The following MYO1D variants were observed in gnomAD, a reference collection of about 807,000 sequenced individuals.
The protein encoded by MYO1D is unconventional myosin-Id.
Under a neutral mutation model 122.0 loss-of-function variants are expected in MYO1D, and 83 were observed. The observed-to-expected ratio is 0.68, with a 90% CI of 0.57 to 0.82. MYO1D has a LOEUF of 0.82. Ranked by LOEUF, MYO1D falls within the 40% of genes least tolerant of loss-of-function variation. MYO1D has a pLI of 0.00. For synonymous variants in MYO1D, 464 were observed against 446.9 expected (o/e 1.04, Z -0.48); for missense variants, 1,157 against 1,269.5 (o/e 0.91, Z 1.35).
chr17:32,653,423 A>G (rs1472813720), intron 19 of MYO1D, among the ~76,000 whole-genome samples: 1 of 151,928 alleles, frequency 6.6e-6, no homozygotes, highest in Admixed American at 6.6e-5. Flanking sequence ...CCTGACCAAC[A>G]TGGTGAAACC....
chr17:32,652,999 G>A lies in MYO1D; in HGVS notation c.2595+844C>T, dbSNP rs577180143. Among the ~76,000 whole-genome samples, 14 of 152,136 alleles carry A rather than the reference G, an allele frequency of 9.2e-5. No individual in the cohort carries two copies. In the East Asian group the frequency reaches 1.2e-3, roughly 13 times the overall value. The stretch of plus-strand genomic sequence containing the variant: ...TACTAAAGAATACAAAAAATTAGCC[G>A]GGCATGGTGGTGGGCGCCTGTAGTC... On this transcript the variant is annotated intron_variant, in intron 19 of 21. Transcript: ENST00000318217.
intron 21 of MYO1D, among the ~76,000 whole-genome samples, chr17:32,576,731 C>T (rs531932313): frequency 2.6e-5 from 4 of 152,220 alleles, no homozygotes; most frequent in Non-Finnish European, 5.9e-5. Context: ...TCATAGCTCC[C>T]GGCAGCCTTG....
intron 1 of MYO1D, among the ~76,000 whole-genome samples, chr17:32,828,191 G>A (rs1365117614): frequency 1.3e-5 from 2 of 152,136 alleles, no homozygotes; most frequent in Non-Finnish European, 2.9e-5. Flanking sequence ...TAAGTAAATT[G>A]GATTCTGTTT....
At chr17:32,700,901 G>A (rs371755017) in intron 16 of MYO1D, among the ~76,000 whole-genome samples, 6 of 144,472 alleles carry the variant, frequency 4.2e-5, no homozygotes, top group South Asian at 2.2e-4. Context: ...CTGAGATCAC[G>A]CCATTGTACT....
At chr17:32,677,164 C>G (rs2088823686) in intron 16 of MYO1D, among the ~76,000 whole-genome samples, 1 of 152,100 alleles carries the variant, frequency 6.6e-6, no homozygotes, top group Non-Finnish European at 1.5e-5. Flanking sequence ...TTTGTGAATT[C>G]TTTTACTGCT....
intron 20 of MYO1D, among the ~76,000 whole-genome samples, chr17:32,605,634 T>C (rs1039281836): frequency 3.3e-5 from 5 of 151,928 alleles, no homozygotes; most frequent in Non-Finnish European, 5.9e-5. Flanking sequence ...TTGATAAACC[T>C]CTAGCCCAAA....
intron 16 of MYO1D, among the ~76,000 whole-genome samples, chr17:32,661,357 T>C (rs2088561983): frequency 6.6e-6 from 1 of 152,204 alleles, no homozygotes; most frequent in South Asian, 2.1e-4. Flanking sequence ...TACTGTCATA[T>C]TTATAGATAA....
intron 20 of MYO1D, among the ~76,000 whole-genome samples, chr17:32,630,465 A>C (rs1597951709): frequency 6.6e-6 from 1 of 152,256 alleles, no homozygotes; most frequent in South Asian, 2.1e-4. Flanking sequence ...TTAGTTTGCT[A>C]GGGCTGCCAT....
chr17:32,717,973 T>C (rs949871020), intron 15 of MYO1D, among the ~76,000 whole-genome samples: 1 of 152,178 alleles, frequency 6.6e-6, no homozygotes, highest in Non-Finnish European at 1.5e-5. Flanking sequence ...TTCTGTTACA[T>C]GGGTTTTGCT....
chr17:32,861,068 CTT>C (rs1205679858), intron 1 of MYO1D, among the ~76,000 whole-genome samples: 28 of 135,628 alleles, frequency 2.1e-4, no homozygotes, highest in Non-Finnish European at 1.8e-4. Context: ...GGTGTTTATT[CTT>C]TTTTTTTTTT....
intron 20 of MYO1D, among the ~76,000 whole-genome samples, chr17:32,625,389 C>A (rs116926133): frequency 6.6e-6 from 1 of 152,180 alleles, no homozygotes; most frequent in African/African-American, 2.4e-5. Context: ...TGAAACATTG[C>A]GCTAGTGGTC....
chr17:32,771,266 A>G (rs1263646482), intron 5 of MYO1D, 46 bp from the exon 6 acceptor site: 4 of 1,345,158 alleles, frequency 3.0e-6, no homozygotes, highest in Admixed American at 3.5e-5. Context: ...CATACATTGA[A>G]CCAAACATGA....
chr17:32,695,286 T>A (rs1229659642), intron 16 of MYO1D, among the ~76,000 whole-genome samples: 1 of 152,178 alleles, frequency 6.6e-6, no homozygotes, highest in Non-Finnish European at 1.5e-5. Context: ...CCTATGAGAA[T>A]CCAATGAGCC....
chr17:32,688,055 T>C (rs2089042976), intron 16 of MYO1D, among the ~76,000 whole-genome samples: 1 of 152,102 alleles, frequency 6.6e-6, no homozygotes, highest in Non-Finnish European at 1.5e-5. Flanking sequence ...AGCTAAAGAC[T>C]CCTTATAAGT....
At chr17:32,858,265 A>G (rs2091043263) in intron 1 of MYO1D, among the ~76,000 whole-genome samples, 1 of 152,188 alleles carries the variant, frequency 6.6e-6, no homozygotes, top group South Asian at 2.1e-4. Context: ...CCAAAATACA[A>G]CTATCAATAT....
chr17:32,856,798 T>C (rs2091030919), intron 1 of MYO1D, among the ~76,000 whole-genome samples: 1 of 152,264 alleles, frequency 6.6e-6, no homozygotes, highest in Non-Finnish European at 1.5e-5. Flanking sequence ...TCACATTTTA[T>C]GCTCATTTCT....
chr17:32,662,998 A>G (rs993409685), intron 16 of MYO1D, among the ~76,000 whole-genome samples: 1 of 150,562 alleles, frequency 6.6e-6, no homozygotes, highest in African/African-American at 2.4e-5. Context: ...GCTCACTGCA[A>G]GCTCCACCTC....
At chr17:32,826,507 G>C (rs1567661002) in intron 1 of MYO1D, among the ~76,000 whole-genome samples, 1 of 152,124 alleles carries the variant, frequency 6.6e-6, no homozygotes, top group Admixed American at 6.5e-5. Flanking sequence ...TTTATTTGTA[G>C]AAAAATGTGC....
chr17:32,604,190 GA>G (rs943240555), intron 21 of MYO1D, among the ~76,000 whole-genome samples: 58 of 107,968 alleles, frequency 5.4e-4, no homozygotes, highest in East Asian at 1.1e-3. Flanking sequence ...CGTCTAAACT[GA>G]AAAAAAAAAA....
Sources: allele counts gnomAD v4.1 joint callset (sites outside exome capture counted in the v4.1 genomes callset), GRCh38; gene constraint gnomAD v4.1.1; transcripts MANE v1.5; gene names NCBI Gene and HGNC (gene_info 2026-07-23, HGNC 2026-07-21).